The following UNC13C variants were observed in gnomAD, a reference collection of about 807,000 sequenced individuals.
UNC13C encodes the protein protein unc-13 homolog C.
Under a neutral mutation model 245.4 loss-of-function variants are expected in UNC13C, and 174 were observed. That is an observed-to-expected ratio of 0.71 (90% confidence interval 0.63 to 0.80). The LOEUF (loss-of-function observed/expected upper bound fraction) is 0.80. Among genes scored for constraint, UNC13C ranks in the 30% least tolerant of loss-of-function variants. The pLI is 0.00. For missense variants in UNC13C, 2,829 were observed against 2,602.9 expected, an observed-to-expected ratio of 1.09 and a Z score of -1.89; for synonymous variants, 992 against 895.1, an observed-to-expected ratio of 1.11 and a Z score of -1.93.
intron 13 of UNC13C, among the ~76,000 whole-genome samples, chr15:54,318,579 T>C (rs907112137): frequency 6.6e-6 from 1 of 151,964 alleles, no homozygotes; most frequent in Admixed American, 6.6e-5. Flanking sequence ...GATTATTTGT[T>C]TTCTTGCTAC....
chr15:54,108,430 G>A (rs987608337), intron 2 of UNC13C, among the ~76,000 whole-genome samples: 1 of 152,040 alleles, frequency 6.6e-6, no homozygotes, highest in Non-Finnish European at 1.5e-5. Flanking sequence ...CTCATGATCC[G>A]CCCGCTTTGG....
chr15:54,193,846 G>A (rs1357093918), intron 4 of UNC13C, among the ~76,000 whole-genome samples: 1 of 152,110 alleles, frequency 6.6e-6, no homozygotes, highest in Non-Finnish European at 1.5e-5. Context: ...CTGCTAGAGA[G>A]TGCCAGGGTA....
At chr15:54,424,409 T>A (rs1282547521) in intron 19 of UNC13C, among the ~76,000 whole-genome samples, 1 of 151,798 alleles carries the variant, frequency 6.6e-6, no homozygotes, top group African/African-American at 2.4e-5. Flanking sequence ...TTTGTTTGTT[T>A]GTTTTTATTT....
chr15:54,553,571 TA>T (rs971399543), intron 28 of UNC13C, among the ~76,000 whole-genome samples: 26 of 148,378 alleles, frequency 1.8e-4, no homozygotes, highest in Non-Finnish European at 2.5e-4. Context: ...TTATTTGACA[TA>T]AAAAAATGCA....
At chr15:54,480,857 C>G (rs1473277949) in intron 19 of UNC13C, among the ~76,000 whole-genome samples, 2 of 152,084 alleles carry the variant, frequency 1.3e-5, no homozygotes, top group Admixed American at 6.6e-5. Context: ...TATCAATTAG[C>G]TTTTATAGGG....
chr15:54,277,490 G>A (rs2036862953), intron 10 of UNC13C, among the ~76,000 whole-genome samples: 1 of 152,136 alleles, frequency 6.6e-6, no homozygotes, highest in Non-Finnish European at 1.5e-5. Flanking sequence ...GGAACATTTG[G>A]CATGACTTTT....
At chr15:54,093,431 T>C (rs768005124) in intron 2 of UNC13C, among the ~76,000 whole-genome samples, 14 of 152,274 alleles carry the variant, frequency 9.2e-5, no homozygotes, top group African/African-American at 1.9e-4. Context: ...TTTGCTTTTA[T>C]GTAAATGTAT....
At chr15:53,995,101 C>A (rs1299214612) in intron 1 of UNC13C, among the ~76,000 whole-genome samples, 2 of 151,886 alleles carry the variant, frequency 1.3e-5, no homozygotes, top group Non-Finnish European at 2.9e-5. Context: ...ATAGTTCATG[C>A]ATGAAGATAA....
At chr15:54,228,770 C>T (rs1050568361) in intron 4 of UNC13C, among the ~76,000 whole-genome samples, 1 of 152,100 alleles carries the variant, frequency 6.6e-6, no homozygotes, top group Non-Finnish European at 1.5e-5. Context: ...CTCCTTTCCT[C>T]AAGAAAAGGG....
At chr15:53,929,464 C>T in the UNC13C span, among the ~76,000 whole-genome samples, 1 of 152,062 alleles carries the variant, frequency 6.6e-6, no homozygotes, top group African/African-American at 2.4e-5. Context: ...AATGTTAAAG[C>T]ATCAACTACT....
At chr15:54,499,339 G>C (rs1851004) in intron 20 of UNC13C, among the ~76,000 whole-genome samples, 71,266 of 151,870 alleles carry the variant, frequency 0.47, 17,067 homozygotes, top group East Asian at 0.72. Context: ...CATGATCAAA[G>C]CACCTCCTAC....
At chr15:53,855,888 C>G in the UNC13C span, among the ~76,000 whole-genome samples, 4 of 152,108 alleles carry the variant, frequency 2.6e-5, no homozygotes, top group Admixed American at 2.6e-4. Flanking sequence ...CTTTGTACCT[C>G]TGGTAGAATT....
chr15:54,541,251 C>A (rs1377293522), intron 26 of UNC13C, among the ~76,000 whole-genome samples: 1 of 151,972 alleles, frequency 6.6e-6, no homozygotes, highest in South Asian at 2.1e-4. Flanking sequence ...TGTCACATGC[C>A]TTTCAATGTT....
intron 2 of UNC13C, among the ~76,000 whole-genome samples, chr15:54,133,916 C>T (rs1797346185): frequency 6.6e-6 from 1 of 151,986 alleles, no homozygotes; most frequent in South Asian, 2.1e-4. Flanking sequence ...CTTTCCCCAG[C>T]TTTATTAAGG....
intron 17 of UNC13C, among the ~76,000 whole-genome samples, chr15:54,386,202 G>T (rs979332144): frequency 1.3e-5 from 2 of 152,072 alleles, no homozygotes; most frequent in African/African-American, 2.4e-5. Context: ...AAGAGGATGT[G>T]GAAATTAAGA....
intron 24 of UNC13C, among the ~76,000 whole-genome samples, chr15:54,515,694 C>T (rs1350361439): frequency 6.6e-6 from 1 of 152,146 alleles, no homozygotes; most frequent in Non-Finnish European, 1.5e-5. Flanking sequence ...CCATAGTTAT[C>T]CATAAGCCCA....
intron 2 of UNC13C, among the ~76,000 whole-genome samples, chr15:54,066,550 C>T (rs1898085130): frequency 6.6e-6 from 1 of 152,214 alleles, no homozygotes; most frequent in Admixed American, 6.5e-5. Context: ...CTCTCAACCC[C>T]ACTGCAAGGT....
intron 7 of UNC13C, among the ~76,000 whole-genome samples, chr15:54,245,884 G>A (rs1424267163): frequency 2.0e-5 from 3 of 151,900 alleles, no homozygotes; most frequent in Admixed American, 6.6e-5. Context: ...ATCACAAGGA[G>A]GATTATTTCC....
intron 19 of UNC13C, among the ~76,000 whole-genome samples, chr15:54,434,599 A>G (rs2140980393): frequency 6.6e-6 from 1 of 152,292 alleles, no homozygotes; most frequent in Non-Finnish European, 1.5e-5. Context: ...TGGATTAAAG[A>G]CTTAACCATA....
Sources: gnomAD v4.1 joint callset for allele counts (sites outside exome capture counted in the v4.1 genomes callset) on GRCh38, gnomAD v4.1.1 for gene constraint, MANE v1.5 for transcripts, NCBI Gene and HGNC (gene_info 2026-07-23, HGNC 2026-07-21) for gene names.